FAM118A: variants seen among roughly 807,000 people sequenced by gnomAD.
FAM118A encodes the protein SIR2 antiphage like 2.
Under a neutral mutation model 38.2 loss-of-function variants are expected in FAM118A, and 25 were observed. The ratio of observed to expected loss-of-function variants is 0.65; its 90% CI spans 0.48 to 0.91. The LOEUF (loss-of-function observed/expected upper bound fraction) is 0.91, where lower values mean the gene tolerates loss of function less well. Among genes scored for constraint, FAM118A ranks in the 40% least tolerant of loss-of-function variants. FAM118A has a pLI of 0.00. For missense variants in FAM118A, 425 were observed against 463.3 expected (o/e 0.92, Z 0.76); for synonymous variants, 178 against 184.1 (o/e 0.97, Z 0.27).
At chr22:45,319,211 A>C (rs1433908674) in intron 1 of FAM118A, among the ~76,000 whole-genome samples, 1 of 152,192 alleles carries the variant, frequency 6.6e-6, no homozygotes, top group Non-Finnish European at 1.5e-5. Context: ...AGTTTTAGGC[A>C]TGTGGTTTTT....
intron 7 of FAM118A, among the ~76,000 whole-genome samples, chr22:45,335,949 C>G (rs1311614039): frequency 6.6e-6 from 1 of 152,224 alleles, no homozygotes; most frequent in Non-Finnish European, 1.5e-5. Context: ...GTGAGTGGCG[C>G]GGAGGCCTCT....
At chr22:45,321,432 A>G (rs948988498) in intron 1 of FAM118A, among the ~76,000 whole-genome samples, 2 of 149,908 alleles carry the variant, frequency 1.3e-5, no homozygotes, top group Non-Finnish European at 3.0e-5. Context: ...TTATTTTTGA[A>G]ACAAGGTCTC....
chr22:45,333,839 C>T (rs1445843675), intron 6 of FAM118A, among the ~76,000 whole-genome samples: 1 of 152,008 alleles, frequency 6.6e-6, no homozygotes, highest in Non-Finnish European at 1.5e-5. Context: ...GACCCTGTCT[C>T]TAAAAATAAA....
rs369253829 is a variant in FAM118A, at chr22:45,323,381, G to A, written c.254G>A (p.Arg85Gln). The A allele has an allele frequency of 1.4e-5, 23 of 1,614,196 alleles. No homozygotes were observed. The highest frequency in any genetic ancestry group is 1.6e-5 in the Non-Finnish European group (19 of 1,180,034). The change falls in exon 3 of 9, where the codon CGG (arginine) becomes CAG (glutamine). Residue 85 changes from arginine (R) to glutamine (Q), a missense_variant. Arg to Gln is a conservative substitution (Grantham distance 43, BLOSUM62 1). Transcript: ENST00000441876. ...AEFRRKVTKD[R>Q]DLLVVAHDLI... ...TTCCGGAGGAAAGTGACAAAGGACC[G>A]GGACCTGTTGGTTGTCGCCCATGAT... is the stretch of plus-strand genomic sequence containing the variant.
At chr22:45,322,450 C>A in intron 2 of FAM118A, 24 bp downstream of exon 2, 1 of 1,591,836 alleles carries the variant, frequency 6.3e-7, no homozygotes, top group East Asian at 2.2e-5. Context: ...ACTATACCTT[C>A]AAGCAGCTTC....
At chr22:45,338,572 G>T (rs983169202) in intron 8 of FAM118A, among the ~76,000 whole-genome samples, 5 of 152,180 alleles carry the variant, frequency 3.3e-5, no homozygotes, top group Non-Finnish European at 7.3e-5. Context: ...ATCTGCTGTT[G>T]TAAGTCTGCG....
intron 4 of FAM118A, chr22:45,328,761 G>T: frequency 5.3e-6 from 2 of 379,640 alleles, no homozygotes; most frequent in Non-Finnish European, 9.7e-6. Flanking sequence ...CTGGGCAAGA[G>T]AGTGAGACCC....
rs1465356384 is a variant in FAM118A, at chr22:45,340,686, G to A, written c.*281G>A. The A allele has an allele frequency of 8.0e-6, 4 of 498,652 alleles. No homozygotes were observed. In the Admixed American group the frequency reaches 1.0e-4, roughly 13 times the overall value. 30.9% of individuals were successfully genotyped at this position (498,652 alleles called of 1,614,324 possible). On this transcript the variant is annotated 3_prime_UTR_variant, in exon 9 of 9. Transcript: ENST00000441876. ...AGAATCCGTGGGAAGGGATGGACCT[G>A]GTGTTCCCGTTCCCATCTGACAGGC...
intron 8 of FAM118A, 33 bp downstream of exon 8, chr22:45,336,444 C>T: frequency 6.4e-7 from 1 of 1,566,920 alleles, no homozygotes; most frequent in Non-Finnish European, 8.8e-7. Flanking sequence ...GGGGAGCTGC[C>T]TCGGGTCTCT....
At position 45,340,446 on chromosome 22, in the gene FAM118A, T is replaced by C. The variant is rs144465524; in HGVS notation, c.*41T>C. The C allele has an allele frequency of 1.2e-6, 2 of 1,611,448 alleles. No individual in the cohort carries two copies. The highest frequency in any genetic ancestry group is 1.7e-6 in the Non-Finnish European group (2 of 1,177,598). ...ACCTGCAACTTGAAAACTAGCCTTC[T>C]GTAACCACAGTGCCCAAACGAAGAG... On this transcript the variant is annotated 3_prime_UTR_variant, in exon 9 of 9. Coordinates refer to ENST00000441876, the MANE Select transcript of FAM118A (RefSeq NM_017911.4).
intron 4 of FAM118A, among the ~76,000 whole-genome samples, chr22:45,330,278 T>TCTTGGC (rs2085611008): frequency 1.3e-5 from 2 of 152,312 alleles, no homozygotes; most frequent in Admixed American, 1.3e-4. Flanking sequence ...GAGCTTCAAG[T>TCTTGGC]CTTGGCCTTG....
intron 1 of FAM118A, among the ~76,000 whole-genome samples, chr22:45,319,464 C>T (rs866327547): frequency 4.6e-5 from 7 of 152,172 alleles, no homozygotes; most frequent in Middle Eastern, 3.2e-3. Flanking sequence ...AGCAGGAGGC[C>T]GGGAGTGTGC....
chr22:45,330,846 C>T lies in FAM118A; in HGVS notation c.651+115C>T, dbSNP rs867891264. On this transcript the variant is annotated intron_variant, in intron 5 of 8. Transcript: ENST00000441876. Reference sequence around the variant, plus strand: ...CTCCAGGCGTCCGTGCCCTTCAGGTCGGCCCTGCACACAGTTGCTGAGGGA... The same window carrying T: ...CTCCAGGCGTCCGTGCCCTTCAGGTTGGCCCTGCACACAGTTGCTGAGGGA... 1.3e-5 allele frequency: 15 copies of T among 1,198,962 alleles called. No homozygotes were observed. In the South Asian group the frequency reaches 1.3e-4, roughly 11 times the overall value. 74.3% of individuals were successfully genotyped at this position (1,198,962 alleles called of 1,614,324 possible). A position where few individuals can be genotyped will look rare whatever the true frequency, so the allele number is the denominator to read the frequency against.
chr22:45,330,652 A>C lies in FAM118A; in HGVS notation c.572A>C (p.His191Pro). The change falls in exon 5 of 9, where the codon CAC becomes CCC. Residue 191 changes from histidine (H) to proline (P), a missense_variant. Physicochemically the swap from His to Pro is moderately conservative, Grantham distance 77 (BLOSUM62 -2). Transcript: ENST00000441876. ...GHMKYGVLHI[H>P]GLYTDPCGVV... is the part of the protein sequence containing the mutation. ...ATGAAGTACGGCGTCCTCCACATTCACGGCCTCTACACGGACCCCTGCGGG... is the reference window on the plus strand; with the variant it reads ...ATGAAGTACGGCGTCCTCCACATTCCCGGCCTCTACACGGACCCCTGCGGG... 6.3e-7 allele frequency: 1 copy of C among 1,592,454 alleles called. No homozygotes were observed. Among genetic ancestry groups the C allele is most frequent in the Non-Finnish European group, 8.5e-7 (1 of 1,170,614 alleles).
chr22:45,335,216 C>T (rs554396207), intron 6 of FAM118A, 134 bp from the exon 7 acceptor site: 23 of 893,938 alleles, frequency 2.6e-5, no homozygotes, highest in Admixed American at 6.6e-5. Flanking sequence ...CGCAGGAGTC[C>T]GCAGCCCGCG....
At chr22:45,328,555 C>A in intron 4 of FAM118A, 2 of 700,154 alleles carry the variant, frequency 2.9e-6, no homozygotes, top group East Asian at 2.7e-5. Flanking sequence ...TTGCTTGAGC[C>A]CAGGAGTTCC....
intron 8 of FAM118A, among the ~76,000 whole-genome samples, chr22:45,337,129 C>T (rs1354888451): frequency 2.0e-5 from 3 of 152,198 alleles, no homozygotes; most frequent in Admixed American, 6.5e-5. Context: ...GCCAGACTTC[C>T]CCACACGAAG....
chr22:45,309,804 C>CGGCGGGGCGGGGCGGGGCGGGGCGG (rs71190659), upstream of FAM118A: 1 of 151,022 alleles, frequency 6.6e-6, no homozygotes, highest in East Asian at 2.0e-4. Flanking sequence ...GAGGATCTGG[C>CGGCGGGGCGGGGCGGGGCGGGGCGG]GGCGGGGCGG....
chr22:45,338,751 A>G (rs145261779), intron 8 of FAM118A, among the ~76,000 whole-genome samples: 1 of 152,362 alleles, frequency 6.6e-6, no homozygotes, highest in East Asian at 1.9e-4. Context: ...AATTTCTGAG[A>G]GCTACGAAGC....
Sources: allele counts gnomAD v4.1 joint callset (sites outside exome capture counted in the v4.1 genomes callset), GRCh38; gene constraint gnomAD v4.1.1; transcripts MANE v1.5; gene names NCBI Gene and HGNC (gene_info 2026-07-23, HGNC 2026-07-21).